Variants in DGKG observed in about 807,000 individuals in gnomAD.
The protein encoded by DGKG is DAG kinase gamma.
Under a neutral mutation model 105.3 loss-of-function variants are expected in DGKG, and 78 were observed. The observed-to-expected ratio is 0.74, with a 90% CI of 0.62 to 0.89. The LOEUF (loss-of-function observed/expected upper bound fraction) is 0.89. DGKG is among the 40% of genes least tolerant of loss of function. The pLI, the probability that DGKG is intolerant of heterozygous loss-of-function variation, is 0.00. For missense variants in DGKG, 958 were observed against 1,020.1 expected (o/e 0.94, Z 0.83); for synonymous variants, 346 against 367.1 (o/e 0.94, Z 0.66).
intron 22 of DGKG, among the ~76,000 whole-genome samples, chr3:186,169,986 T>C (rs1236504399): frequency 6.6e-6 from 1 of 151,736 alleles, no homozygotes; most frequent in African/African-American, 2.4e-5. Context: ...AAAGAGAGGG[T>C]TGGGGAGAGG....
At chr3:186,193,224 G>T (rs7639852) in intron 21 of DGKG, among the ~76,000 whole-genome samples, 3,633 of 152,290 alleles carry the variant, frequency 0.024, 142 homozygotes, top group African/African-American at 0.083. Context: ...GAACGTGCCT[G>T]CCTGGGCTTG....
Position 186,257,915 on chromosome 3 carries a change from T to C in DGKG, c.1449A>G (p.Pro483=). The C allele has an allele frequency of 6.2e-7, 1 of 1,614,118 alleles. No homozygotes were observed. Among genetic ancestry groups the C allele is most frequent in the South Asian group, 1.1e-5 (1 of 91,080 alleles). ...CACCACAGGCCAAAACACGGAAGTC[T>C]GGAGTATCACGGAAAAAGTTCAACC... is the stretch of plus-strand genomic sequence containing the variant. The part of the protein sequence containing the change: ...TPGLNFFRDT[P]DFRVLACGGD... The change falls in exon 17 of 25, where the codon CCA becomes CCG. Residue 483 remains proline, a synonymous_variant. Coordinates refer to ENST00000265022, the MANE Select transcript of DGKG (RefSeq NM_001346.3).
intron 20 of DGKG, among the ~76,000 whole-genome samples, chr3:186,219,724 A>G (rs1463535282): frequency 6.6e-6 from 1 of 152,118 alleles, no homozygotes; most frequent in African/African-American, 2.4e-5. Context: ...AGGAAAGGGG[A>G]GATCTCAAGA....
intron 6 of DGKG, 22 bp downstream of exon 6, chr3:186,288,688 C>T (rs773803301): frequency 6.2e-7 from 1 of 1,612,884 alleles, no homozygotes; most frequent in African/African-American, 1.3e-5. Context: ...AGCTGAAGCC[C>T]CTTGACAGGG....
At position 186,250,775 on chromosome 3, in the gene DGKG, C is replaced by T. The variant is rs550800918; in HGVS notation, c.1761+984G>A. Among the ~76,000 whole-genome samples the T allele has an allele frequency of 2.0e-5, 3 of 152,168 alleles. No homozygotes were observed. The South Asian group carries it at 6.2e-4, about 32-fold the overall frequency. Reference sequence around the variant, plus strand: ...ATGTTGGCCAGGCTGGTCTCGAACTCCTGGCCTCAGGCAATCTGCCCGCCT... The same window carrying T: ...ATGTTGGCCAGGCTGGTCTCGAACTTCTGGCCTCAGGCAATCTGCCCGCCT... On this transcript the variant is annotated intron_variant, in intron 19 of 24. Transcript: ENST00000265022.
At chr3:186,324,104 CAAA>C (rs561960985) in intron 1 of DGKG, among the ~76,000 whole-genome samples, 1 of 58,366 alleles carries the variant, frequency 1.7e-5, no homozygotes. Flanking sequence ...GAGAGTCTGT[CAAA>C]AAAAAAAAAA....
chr3:186,345,392 G>A (rs1229126914), intron 1 of DGKG, among the ~76,000 whole-genome samples: 1 of 152,144 alleles, frequency 6.6e-6, no homozygotes, highest in African/African-American at 2.4e-5. Flanking sequence ...TGTTATAACT[G>A]AGTTGTTTGG....
intron 24 of DGKG, among the ~76,000 whole-genome samples, chr3:186,157,535 G>C (rs1399021981): frequency 6.6e-6 from 1 of 151,986 alleles, no homozygotes; most frequent in African/African-American, 2.4e-5. Context: ...ACCTAAATAC[G>C]TATTTCCTAG....
chr3:186,287,517 A>G (rs748682956), intron 6 of DGKG, among the ~76,000 whole-genome samples: 5 of 152,340 alleles, frequency 3.3e-5, no homozygotes, highest in South Asian at 2.1e-4. Flanking sequence ...ATTTCTTTGC[A>G]TGGTCATTAT....
chr3:186,175,726 G>A (rs1717045648), intron 22 of DGKG, among the ~76,000 whole-genome samples: 2 of 152,188 alleles, frequency 1.3e-5, no homozygotes, highest in Non-Finnish European at 2.9e-5. Flanking sequence ...AAGGACAGAA[G>A]CAAGAATCGA....
intron 5 of DGKG, among the ~76,000 whole-genome samples, chr3:186,295,606 A>G (rs970667464): frequency 6.8e-6 from 1 of 147,196 alleles, no homozygotes; most frequent in Non-Finnish European, 1.5e-5. Flanking sequence ...TTGGATATCC[A>G]TAAAGCTTTT....
intron 10 of DGKG, among the ~76,000 whole-genome samples, 168 bp from the exon 11 acceptor site, chr3:186,272,511 T>C (rs1578758174): frequency 6.6e-6 from 1 of 152,142 alleles, no homozygotes; most frequent in Non-Finnish European, 1.5e-5. Context: ...AGTCTCTAAT[T>C]GTTCTTGGAG....
chr3:186,273,072 T>C (rs1238182785), intron 10 of DGKG, among the ~76,000 whole-genome samples: 2 of 152,142 alleles, frequency 1.3e-5, no homozygotes, highest in East Asian at 3.9e-4. Flanking sequence ...CCACATGACC[T>C]TGGGTAAATT....
chr3:186,348,037 T>G (rs567927103), intron 1 of DGKG, among the ~76,000 whole-genome samples: 86 of 152,324 alleles, frequency 5.6e-4, no homozygotes, highest in African/African-American at 2.0e-3. Flanking sequence ...TGAAACAATA[T>G]TCAATGTTTC....
At chr3:186,290,130 G>A (rs1423477210) in intron 5 of DGKG, among the ~76,000 whole-genome samples, 1 of 152,196 alleles carries the variant, frequency 6.6e-6, no homozygotes, top group African/African-American at 2.4e-5. Flanking sequence ...TGAGGTCTCA[G>A]AAGACCAGAT....
At position 186,242,578 on chromosome 3, in the gene DGKG, A is replaced by G. The variant is rs956060629; in HGVS notation, c.1762-10T>C. The G allele has an allele frequency of 7.8e-5, 126 of 1,612,574 alleles. No individual in the cohort carries two copies. The highest frequency in any genetic ancestry group is 1.0e-4 in the Non-Finnish European group (122 of 1,179,022). ...GTGCAATGGAAGCGTCCTGAAAGTG[A>G]AAGAGACAAAGCAGATCCTTGGTGA... On this transcript the variant is annotated splice_polypyrimidine_tract_variant and intron_variant, in intron 19 of 24. Transcript: ENST00000265022.
At chr3:186,213,412 GCATGC>G (rs1323718864) in intron 20 of DGKG, among the ~76,000 whole-genome samples, 1 of 152,234 alleles carries the variant, frequency 6.6e-6, no homozygotes, top group African/African-American at 2.4e-5. Flanking sequence ...CATTTTCTAT[GCATGC>G]CATGATGATG....
intron 22 of DGKG, among the ~76,000 whole-genome samples, chr3:186,181,921 T>C (rs1374085670): frequency 2.0e-5 from 3 of 152,134 alleles, no homozygotes; most frequent in African/African-American, 7.2e-5. Flanking sequence ...TGAGGATCAG[T>C]GAAGAGTCTG....
At chr3:186,356,112 T>C (rs1302515206) in intron 1 of DGKG, among the ~76,000 whole-genome samples, 1 of 152,246 alleles carries the variant, frequency 6.6e-6, no homozygotes, top group Non-Finnish European at 1.5e-5. Context: ...GGCTCAGTTA[T>C]AGTACAGAAA....
Sources: gnomAD v4.1 joint callset for allele counts (sites outside exome capture counted in the v4.1 genomes callset) on GRCh38, gnomAD v4.1.1 for gene constraint, MANE v1.5 for transcripts, NCBI Gene and HGNC (gene_info 2026-07-23, HGNC 2026-07-21) for gene names.